UTRN: variants seen among roughly 807,000 people sequenced by gnomAD.
The protein encoded by UTRN is utrophin.
UTRN carries 283 observed loss-of-function variants against 463.9 expected under a neutral mutation model. That is an observed-to-expected ratio of 0.61 (90% confidence interval 0.55 to 0.67). The LOEUF is 0.67. Among genes scored for constraint, UTRN ranks in the 30% least tolerant of loss-of-function variants. The pLI is 0.00. For missense variants in UTRN, 3,922 were observed against 4,084.3 expected (o/e 0.96, Z 1.08); for synonymous variants, 1,442 against 1,431.5 (o/e 1.01, Z -0.17).
At chr6:144,528,375 G>C (rs1409139493) in intron 41 of UTRN, among the ~76,000 whole-genome samples, 1 of 152,110 alleles carries the variant, frequency 6.6e-6, no homozygotes, top group Non-Finnish European at 1.5e-5. Flanking sequence ...ACCTTGTTTT[G>C]TCATATTACC....
chr6:144,774,402 G>T, intron 60 of UTRN, 38 bp downstream of exon 60: 4 of 1,472,154 alleles, frequency 2.7e-6, no homozygotes, highest in Non-Finnish European at 3.6e-6. Flanking sequence ...TCTGTTACTT[G>T]AATTGCGTTT....
chr6:144,548,767 G>A lies in UTRN; in HGVS notation c.6723G>A (p.Trp2241Ter). The A allele has an allele frequency of 6.2e-7, 1 of 1,614,040 alleles. No individual in the cohort carries two copies. Among genetic ancestry groups the A allele is most frequent in the Non-Finnish European group, 8.5e-7 (1 of 1,179,974 alleles). The change falls in exon 47 of 75, where the codon TGG becomes TGA. Residue 2241 changes from tryptophan (W) to a stop codon, truncating the protein, a stop_gained. Coordinates refer to ENST00000367545, the MANE Select transcript of UTRN (RefSeq NM_007124.3). LOFTEE classifies it high-confidence loss of function. ...LDKTITELAD[W>*]LVLIDQMLKS... ...AAACTATAACAGAACTAGCCGACTG[G>A]CTGGTATTAATCGACCAGATGCTGA...
At chr6:144,754,531 CTTTTTTTTTTTT>C (rs34213856) in intron 56 of UTRN, among the ~76,000 whole-genome samples, 177 bp from the exon 57 acceptor site, 1 of 112,128 alleles carries the variant, frequency 8.9e-6, no homozygotes, top group Non-Finnish European at 1.9e-5. Context: ...CAGAAGGAGT[CTTTTTTTTTTTT>C]TTTTTTTTTA....
intron 6 of UTRN, among the ~76,000 whole-genome samples, chr6:144,426,031 T>C (rs1785264207): frequency 6.6e-6 from 1 of 152,186 alleles, no homozygotes; most frequent in African/African-American, 2.4e-5. Context: ...AGTACAAGTA[T>C]TGCTTAAGAT....
At chr6:144,331,547 G>A (rs1197608172) in intron 2 of UTRN, among the ~76,000 whole-genome samples, 1 of 152,160 alleles carries the variant, frequency 6.6e-6, no homozygotes, top group Non-Finnish European at 1.5e-5. Flanking sequence ...CAACAATTGA[G>A]TAGTTAATTA....
intron 2 of UTRN, among the ~76,000 whole-genome samples, chr6:144,387,228 C>T (rs981195781): frequency 3.9e-5 from 6 of 152,234 alleles, no homozygotes; most frequent in South Asian, 4.2e-4. Flanking sequence ...CTGCAACCTC[C>T]GCCTCCTGGG....
intron 50 of UTRN, among the ~76,000 whole-genome samples, chr6:144,561,049 C>T (rs1053808636): frequency 6.6e-6 from 1 of 150,398 alleles, no homozygotes; most frequent in Non-Finnish European, 1.5e-5. Flanking sequence ...ACTTTTTTTC[C>T]TTCCATCTCT....
At chr6:144,364,353 G>A (rs938584978) in intron 2 of UTRN, among the ~76,000 whole-genome samples, 5 of 152,072 alleles carry the variant, frequency 3.3e-5, no homozygotes, top group African/African-American at 1.2e-4. Context: ...TCTCCCTTAT[G>A]TTTCCCCCTG....
chr6:144,352,544 C>T (rs1778199439), intron 2 of UTRN, among the ~76,000 whole-genome samples: 1 of 152,122 alleles, frequency 6.6e-6, no homozygotes, highest in African/African-American at 2.4e-5. Context: ...CTGCCTCCCT[C>T]CTATGCATTT....
intron 55 of UTRN, 145 bp downstream of exon 55, chr6:144,748,659 C>G (rs761185079): frequency 5.4e-6 from 6 of 1,107,100 alleles, no homozygotes; most frequent in Non-Finnish European, 7.5e-6. Context: ...GGAGTCAGGA[C>G]AGGTGCTTTC....
chr6:144,797,148 T>C (rs927603392), intron 63 of UTRN, among the ~76,000 whole-genome samples: 1 of 152,088 alleles, frequency 6.6e-6, no homozygotes, highest in Non-Finnish European at 1.5e-5. Flanking sequence ...TTTGTAAAAT[T>C]ATCGGTGAGT....
intron 54 of UTRN, among the ~76,000 whole-genome samples, chr6:144,741,880 G>A (rs566213736): frequency 6.6e-6 from 1 of 152,120 alleles, no homozygotes; most frequent in Admixed American, 6.6e-5. Context: ...AACCTTGAAT[G>A]TATTTAGACT....
chr6:144,346,875 CATCTATCTATCT>C (rs5880591), intron 2 of UTRN, among the ~76,000 whole-genome samples: 5 of 151,214 alleles, frequency 3.3e-5, no homozygotes, highest in African/African-American at 7.3e-5. Flanking sequence ...ATCTATGTAT[CATCTATCTATCT>C]ATCTATCTAT....
Position 144,771,911 on chromosome 6 carries a change from C to A in UTRN, c.8500C>A (p.Gln2834Lys). 3 of 1,534,622 alleles carry A rather than the reference C, an allele frequency of 2.0e-6. No individual in the cohort carries two copies. The highest frequency in any genetic ancestry group is 2.6e-6 in the Non-Finnish European group (3 of 1,134,874). ...AATTTTACCTTTTTTTTCCAGCCAT[C>A]AAACACAGACCACCTGTTGGGACCA... ...HNKVPYYINH[Q>K]TQTTCWDHPK... is the part of the protein sequence containing the mutation. The change falls in exon 59 of 75, where the codon CAA becomes AAA. Residue 2834 changes from glutamine (Q) to lysine (K), a missense_variant. Around this residue, in one of 3 missense-constraint regions of UTRN, gnomAD observed 1,309 missense variants for 1,452.6 expected, o/e 0.90. Coordinates refer to ENST00000367545, the MANE Select transcript of UTRN (RefSeq NM_007124.3).
intron 59 of UTRN, 69 bp downstream of exon 59, chr6:144,772,037 T>TTGA (rs1794108691): frequency 3.7e-6 from 4 of 1,089,842 alleles, no homozygotes; most frequent in African/African-American, 4.4e-5. Context: ...TTTTTTTTTT[T>TTGA]TTTTTTTTTT....
In UTRN at chr6:144,516,326, A is replaced by T. The variant is rs753006650; in HGVS notation, c.5342A>T (p.Asp1781Val). The change falls in exon 38 of 75, where the codon GAC becomes GTC. Residue 1781 changes from aspartate to valine, a missense_variant. Physicochemically the swap from Asp to Val is radical, Grantham distance 152. Coordinates refer to ENST00000367545, the MANE Select transcript of UTRN (RefSeq NM_007124.3). ...PFSDLEKLEN[D>V]IENMLKFVEK... ...TCTGACTTGGAAAAATTAGAAAATG[A>T]CATAGAAAATATGTTAAAATTTGTG... The T allele has an allele frequency of 6.2e-7, 1 of 1,613,778 alleles. No homozygotes were observed. Among genetic ancestry groups the T allele is most frequent in the East Asian group, 2.2e-5 (1 of 44,848 alleles).
chr6:144,434,082 T>C (rs954851672), intron 9 of UTRN, among the ~76,000 whole-genome samples: 16 of 152,348 alleles, frequency 1.1e-4, no homozygotes, highest in African/African-American at 3.6e-4. Flanking sequence ...AGACTCCGTC[T>C]GCAATCCCGG....
intron 52 of UTRN, among the ~76,000 whole-genome samples, chr6:144,683,242 A>C (rs968974908): frequency 6.6e-6 from 1 of 152,190 alleles, no homozygotes; most frequent in African/African-American, 2.4e-5. Flanking sequence ...TACATGGAAG[A>C]GTAGAAAAGA....
At position 144,789,177 on chromosome 6, in the gene UTRN, CA is replaced by C. The variant is rs780100050; in HGVS notation, c.8835-16del. The C allele has an allele frequency of 6.2e-7, 1 of 1,600,220 alleles. No homozygotes were observed. The highest frequency in any genetic ancestry group is 8.6e-7 in the Non-Finnish European group (1 of 1,169,290). ...GTTTTAAATGCATCTAACACATTAA[CA>C]TTCTTATAATTTTAGGGGTCGAACT... On this transcript the variant is annotated splice_polypyrimidine_tract_variant and intron_variant, in intron 61 of 74. Transcript: ENST00000367545.
Sources: allele counts gnomAD v4.1 joint callset (sites outside exome capture counted in the v4.1 genomes callset), GRCh38; gene constraint gnomAD v4.1.1; regional missense constraint gnomAD v4.1.1; transcripts MANE v1.5; gene names NCBI Gene and HGNC (gene_info 2026-07-23, HGNC 2026-07-21).